Variants in TIAM1 observed in about 807,000 individuals in gnomAD.
TIAM1 encodes rho guanine nucleotide exchange factor TIAM1.
TIAM1 carries 65 observed loss-of-function variants against 163.5 expected under a neutral mutation model. The ratio of observed to expected loss-of-function variants is 0.40; its 90% CI spans 0.33 to 0.49. TIAM1 has a LOEUF of 0.49. Among genes scored for constraint, TIAM1 ranks in the 20% least tolerant of loss-of-function variants. TIAM1 has a pLI of 0.77. For missense variants in TIAM1, 1,789 were observed against 2,044.7 expected, an observed-to-expected ratio of 0.87 and a Z score of 2.41; for synonymous variants, 833 against 810.1, an observed-to-expected ratio of 1.03 and a Z score of -0.48.
At chr21:31,306,423 C>T (rs945161168) in intron 2 of TIAM1, among the ~76,000 whole-genome samples, 1 of 152,016 alleles carries the variant, frequency 6.6e-6, no homozygotes, top group Non-Finnish European at 1.5e-5. Context: ...CAAAGTATCC[C>T]CCCACAAAAC....
At chr21:31,482,865 T>C (rs1347166962) in intron 1 of TIAM1, among the ~76,000 whole-genome samples, 1 of 152,158 alleles carries the variant, frequency 6.6e-6, no homozygotes, top group Non-Finnish European at 1.5e-5. Context: ...CATGAGATTA[T>C]AAGAAGAACA....
At chr21:31,495,394 C>T (rs1444742854) in intron 1 of TIAM1, among the ~76,000 whole-genome samples, 2 of 152,164 alleles carry the variant, frequency 1.3e-5, no homozygotes, top group African/African-American at 2.4e-5. Context: ...AGAGGAGCAG[C>T]GCTGTGTTCT....
At chr21:31,168,030 C>A (rs2084320287) in intron 15 of TIAM1, among the ~76,000 whole-genome samples, 1 of 151,498 alleles carries the variant, frequency 6.6e-6, no homozygotes, top group African/African-American at 2.4e-5. Flanking sequence ...AGAAATTCTG[C>A]CTATACTTTG....
At chr21:31,410,535 T>A (rs1005347653) in intron 2 of TIAM1, among the ~76,000 whole-genome samples, 4 of 150,730 alleles carry the variant, frequency 2.7e-5, no homozygotes, top group Non-Finnish European at 4.4e-5. Flanking sequence ...GAGACTGAGT[T>A]TATGTATAAG....
chr21:31,174,257 G>A (rs998878760), intron 15 of TIAM1, among the ~76,000 whole-genome samples: 4 of 152,324 alleles, frequency 2.6e-5, no homozygotes, highest in East Asian at 1.9e-4. Flanking sequence ...ACAGAGGCAC[G>A]TCCTGCCCAT....
intron 2 of TIAM1, among the ~76,000 whole-genome samples, chr21:31,410,421 T>C (rs541683861): frequency 1.4e-4 from 21 of 151,100 alleles, no homozygotes; most frequent in African/African-American, 5.1e-4. Flanking sequence ...AGTATGTGAG[T>C]GCGTAAGTGT....
At chr21:31,137,110 C>T (rs1249274605) in intron 22 of TIAM1, among the ~76,000 whole-genome samples, 2 of 152,322 alleles carry the variant, frequency 1.3e-5, no homozygotes, top group Middle Eastern at 3.4e-3. Flanking sequence ...ACAACAGTCC[C>T]GTCTGCTTTT....
At chr21:31,374,388 T>G (rs564283108) in intron 2 of TIAM1, among the ~76,000 whole-genome samples, 1 of 152,344 alleles carries the variant, frequency 6.6e-6, no homozygotes, top group South Asian at 2.1e-4. Context: ...CGGCTCCCTT[T>G]CCTTCTCCCA....
chr21:31,267,067 G>A (rs1292234970), intron 3 of TIAM1, 84 bp from the exon 4 acceptor site: 3 of 1,498,108 alleles, frequency 2.0e-6, no homozygotes, highest in Non-Finnish European at 2.7e-6. Context: ...TCAGCCTGCA[G>A]GGAGGGCAGA....
At chr21:31,326,340 A>C (rs1370888596) in intron 2 of TIAM1, among the ~76,000 whole-genome samples, 1 of 152,188 alleles carries the variant, frequency 6.6e-6, no homozygotes, top group Non-Finnish European at 1.5e-5. Context: ...AGAGACTCTT[A>C]GAGGGAAGGG....
At chr21:31,452,927 C>A in intron 2 of TIAM1, 1 of 513,556 alleles carries the variant, frequency 1.9e-6, no homozygotes, top group Non-Finnish European at 3.9e-6. Flanking sequence ...TTGGGAGAAA[C>A]AAAGTGGAAG....
chr21:31,487,423 T>G (rs542114189), intron 1 of TIAM1, among the ~76,000 whole-genome samples: 1 of 152,166 alleles, frequency 6.6e-6, no homozygotes, highest in Admixed American at 6.6e-5. Context: ...CAGGCTGAAG[T>G]GCAGTGGTGC....
At chr21:31,144,938 G>GA (rs999569913) in intron 20 of TIAM1, among the ~76,000 whole-genome samples, 2 of 149,936 alleles carry the variant, frequency 1.3e-5, no homozygotes, top group Middle Eastern at 3.3e-3. Context: ...ATTGAATTAA[G>GA]AAAAAATCCA....
chr21:31,255,946 CCA>C (rs1415670848), intron 4 of TIAM1, among the ~76,000 whole-genome samples: 2 of 152,326 alleles, frequency 1.3e-5, no homozygotes, highest in African/African-American at 4.8e-5. Flanking sequence ...AGTTGCCATT[CCA>C]CTGGCAGCTT....
chr21:31,251,624 G>A (rs1258519284), intron 5 of TIAM1, 118 bp downstream of exon 5: 31 of 1,069,796 alleles, frequency 2.9e-5, no homozygotes, highest in Non-Finnish European at 4.2e-5. Flanking sequence ...AAATTAGTAT[G>A]ATTTTCAAAT....
intron 2 of TIAM1, among the ~76,000 whole-genome samples, chr21:31,338,780 G>A (rs1444150529): frequency 2.0e-5 from 3 of 152,110 alleles, no homozygotes; most frequent in East Asian, 1.9e-4. Flanking sequence ...CAGGGAGGCC[G>A]CATGAAATAT....
chr21:31,162,235 TAGTATCTCCCTCAAGAGTG>T (rs1373753228), intron 16 of TIAM1, among the ~76,000 whole-genome samples: 1 of 152,126 alleles, frequency 6.6e-6, no homozygotes, highest in Admixed American at 6.5e-5. Flanking sequence ...GGGCAGATAA[TAGTATCTCCCTCAAGAGTG>T]TTGTGAGGCT....
chr21:31,120,451 C>G lies in TIAM1; in HGVS notation c.4693G>C (p.Gly1565Arg). The change falls in exon 28 of 28, where the codon GGC becomes CGC. Residue 1565 changes from glycine (G) to arginine (R), a missense_variant. Gly to Arg is a moderately radical substitution (Grantham distance 125). Transcript: ENST00000541036. The surrounding 1 kb of genome is among the most constrained non-coding windows in gnomAD (Gnocchi z 4.2). ...ACTTCCTCGCTTGCGCTCTCCAGGC[C>G]TCCATTGATCCCCGACAGGGCAGCT... is the stretch of plus-strand genomic sequence containing the variant. ...KQAALSGING[G>R]LESASEEVIW... 1 of 1,614,232 alleles carries G rather than the reference C, an allele frequency of 6.2e-7. No individual in the cohort carries two copies. The highest frequency in any genetic ancestry group is 2.2e-5 in the East Asian group (1 of 44,876).
intron 9 of TIAM1, among the ~76,000 whole-genome samples, chr21:31,216,035 G>C (rs540102644): frequency 2.6e-5 from 4 of 152,244 alleles, no homozygotes; most frequent in African/African-American, 9.6e-5. Flanking sequence ...GCTGCACGTG[G>C]TGGTGAGTGC....
Sources: gnomAD v4.1 joint callset for allele counts (sites outside exome capture counted in the v4.1 genomes callset) on GRCh38, gnomAD v4.1.1 for gene constraint, Gnocchi (gnomAD v3.1) non-coding constraint, MANE v1.5 for transcripts, NCBI Gene and HGNC (gene_info 2026-07-23, HGNC 2026-07-21) for gene names.